ATP8A2: variants seen among roughly 807,000 people sequenced by gnomAD.
The protein encoded by ATP8A2 is ATPase phospholipid transporting 8A2, also known as phospholipid-transporting ATPase IB.
ATP8A2 carries 100 observed loss-of-function variants against 165.6 expected under a neutral mutation model. The observed-to-expected ratio is 0.60, with a 90% confidence interval of 0.51 to 0.71. ATP8A2 has a LOEUF of 0.71. Ranked by LOEUF, ATP8A2 falls within the 30% of genes least tolerant of loss-of-function variation. The probability of loss-of-function intolerance (pLI) is 0.00; values close to 1 mark genes in which losing one functional copy is unlikely to be tolerated. For synonymous variants in ATP8A2, 543 were observed against 548.8 expected (o/e 0.99, Z 0.15); for missense variants, 1,227 against 1,479.5 (o/e 0.83, Z 2.80).
intron 24 of ATP8A2, among the ~76,000 whole-genome samples, chr13:25,633,920 G>T (rs1265278158): frequency 2.0e-5 from 3 of 151,536 alleles, no homozygotes; most frequent in Middle Eastern, 3.4e-3. Context: ...AGGCTGCAGC[G>T]AGGCAAGATC....
At chr13:25,993,604 G>T (rs187292717) in intron 35 of ATP8A2, among the ~76,000 whole-genome samples, 4 of 152,250 alleles carry the variant, frequency 2.6e-5, no homozygotes, top group African/African-American at 9.6e-5. Context: ...TGTCAAAAAG[G>T]CTTTCTTCCA....
At chr13:25,952,924 G>A (rs757577359) in intron 33 of ATP8A2, among the ~76,000 whole-genome samples, 7 of 152,098 alleles carry the variant, frequency 4.6e-5, no homozygotes, top group South Asian at 2.1e-4. Flanking sequence ...TGACATGCAC[G>A]CTCATGAAAA....
chr13:25,887,344 CTT>C (rs1216490426), intron 33 of ATP8A2, among the ~76,000 whole-genome samples: 1 of 146,788 alleles, frequency 6.8e-6, no homozygotes, highest in South Asian at 2.2e-4. Flanking sequence ...CAGTCCAACT[CTT>C]TTTTTTTTTA....
At chr13:25,461,116 A>G (rs2035491907) in intron 1 of ATP8A2, among the ~76,000 whole-genome samples, 1 of 152,236 alleles carries the variant, frequency 6.6e-6, no homozygotes, top group Non-Finnish European at 1.5e-5. Context: ...AAAGAAACCA[A>G]CAAGTATTTG....
chr13:25,915,337 G>A (rs1954240317), intron 33 of ATP8A2, among the ~76,000 whole-genome samples: 2 of 152,216 alleles, frequency 1.3e-5, no homozygotes, highest in African/African-American at 4.8e-5. Flanking sequence ...TTTAATTAAA[G>A]GAATTCATTG....
chr13:25,421,345 T>TG (rs2034292876), intron 1 of ATP8A2, among the ~76,000 whole-genome samples: 1 of 152,084 alleles, frequency 6.6e-6, no homozygotes, highest in East Asian at 1.9e-4. Flanking sequence ...TCTTTTAAAT[T>TG]TTTTTTACAG....
At chr13:25,756,935 T>C (rs779291536) in intron 25 of ATP8A2, among the ~76,000 whole-genome samples, 44 of 152,184 alleles carry the variant, frequency 2.9e-4, no homozygotes, top group Non-Finnish European at 5.9e-5. Flanking sequence ...GTCTGTCTGG[T>C]TAAGAAGAGG....
intron 30 of ATP8A2, among the ~76,000 whole-genome samples, chr13:25,857,082 C>A (rs12866923): frequency 6.6e-6 from 1 of 152,086 alleles, no homozygotes; most frequent in South Asian, 2.1e-4. Flanking sequence ...AAGCTCTTTG[C>A]TGTGGTCCAC....
intron 24 of ATP8A2, among the ~76,000 whole-genome samples, chr13:25,594,664 G>A (rs759036357): frequency 2.2e-4 from 34 of 151,992 alleles, no homozygotes; most frequent in Admixed American, 3.9e-4. Flanking sequence ...GAGCACATAC[G>A]ATGTTTGGTT....
At chr13:25,551,953 A>T (rs1244119182) in intron 11 of ATP8A2, among the ~76,000 whole-genome samples, 3 of 152,010 alleles carry the variant, frequency 2.0e-5, no homozygotes, top group African/African-American at 7.2e-5. Flanking sequence ...AAAGAAGCTA[A>T]AGGAAAAAAG....
intron 1 of ATP8A2, among the ~76,000 whole-genome samples, chr13:25,402,966 A>G (rs918464917): frequency 6.6e-6 from 1 of 152,146 alleles, no homozygotes; most frequent in African/African-American, 2.4e-5. Context: ...ATGTCATCAC[A>G]TGCAAGAGAT....
chr13:25,597,392 A>T (rs754091901), intron 24 of ATP8A2, among the ~76,000 whole-genome samples: 26 of 152,364 alleles, frequency 1.7e-4, no homozygotes, highest in Non-Finnish European at 3.7e-4. Flanking sequence ...ACTCCCTTGC[A>T]TGATATAAGA....
Position 25,563,062 on chromosome 13 carries a change from CAT to C in ATP8A2, c.1398-892_1398-891del, listed in dbSNP as rs1317258876. Reference sequence around the variant, plus strand: ...GTTACGTATTTCAAGTTAAGACTAACATACACTCTGCTGTCATGTCTTCTTTC... The same window carrying C: ...GTTACGTATTTCAAGTTAAGACTAACACACTCTGCTGTCATGTCTTCTTTC... On this transcript the variant is annotated intron_variant, in intron 15 of 36. Coordinates refer to ENST00000381655, the MANE Select transcript of ATP8A2 (RefSeq NM_016529.6). 2.0e-5 allele frequency among the ~76,000 whole-genome samples: 3 copies of C among 152,336 alleles called. No individual in the cohort carries two copies. The East Asian group carries it at 5.8e-4, about 29-fold the overall frequency.
At chr13:25,428,056 C>T (rs1435416340) in intron 1 of ATP8A2, among the ~76,000 whole-genome samples, 4 of 151,870 alleles carry the variant, frequency 2.6e-5, no homozygotes, top group Non-Finnish European at 4.4e-5. Flanking sequence ...TGGTGATGTG[C>T]GCCTGTAGTC....
At chr13:25,902,584 C>A (rs60826827) in intron 33 of ATP8A2, among the ~76,000 whole-genome samples, 6,937 of 147,350 alleles carry the variant, frequency 0.047, 239 homozygotes, top group East Asian at 0.16. Context: ...AAAAAAAAAA[C>A]AAAAAAGAAT....
chr13:25,606,531 A>G (rs1379178820), intron 24 of ATP8A2, among the ~76,000 whole-genome samples: 1 of 152,184 alleles, frequency 6.6e-6, no homozygotes, highest in East Asian at 1.9e-4. Context: ...ATCCAGCTGA[A>G]TGGTCTAGTT....
At chr13:25,884,539 C>T (rs949057932) in intron 33 of ATP8A2, among the ~76,000 whole-genome samples, 2 of 152,288 alleles carry the variant, frequency 1.3e-5, no homozygotes, top group Non-Finnish European at 2.9e-5. Context: ...ATCAGAAGTG[C>T]TTTGGCTGGC....
chr13:25,383,960 G>T (rs2032946832), intron 1 of ATP8A2, among the ~76,000 whole-genome samples: 2 of 152,052 alleles, frequency 1.3e-5, no homozygotes, highest in South Asian at 4.1e-4. Flanking sequence ...TGCTTCCTTG[G>T]GTTTTATTCC....
intron 1 of ATP8A2, among the ~76,000 whole-genome samples, chr13:25,389,578 G>A (rs2033171893): frequency 6.6e-6 from 1 of 152,232 alleles, no homozygotes; most frequent in Non-Finnish European, 1.5e-5. Flanking sequence ...AATTAATGGA[G>A]AAATGCATTT....
Sources: allele counts gnomAD v4.1 joint callset (sites outside exome capture counted in the v4.1 genomes callset), GRCh38; gene constraint gnomAD v4.1.1; transcripts MANE v1.5; gene names NCBI Gene and HGNC (gene_info 2026-07-23, HGNC 2026-07-21).